RASA1: variants seen among roughly 807,000 people sequenced by gnomAD.
The protein encoded by RASA1 is ras GTPase-activating protein 1.
Under a neutral mutation model 132.2 loss-of-function variants are expected in RASA1, and 25 were observed. The ratio of observed to expected loss-of-function variants is 0.19; its 90% CI spans 0.14 to 0.26. The LOEUF is 0.26. Among genes scored for constraint, RASA1 ranks in the 10% least tolerant of loss-of-function variants. The pLI is 1.00. For missense variants in RASA1, 964 were observed against 1,299.2 expected (o/e 0.74, Z 3.97); for synonymous variants, 477 against 449.9 (o/e 1.06, Z -0.76).
chr5:87,301,847 G>A (rs1293175482), intron 1 of RASA1, among the ~76,000 whole-genome samples: 1 of 151,982 alleles, frequency 6.6e-6, no homozygotes, highest in Non-Finnish European at 1.5e-5. Flanking sequence ...ATGTTTATGA[G>A]ATTTATTCAT....
chr5:87,341,887 T>C (rs1316483100), intron 6 of RASA1, among the ~76,000 whole-genome samples: 1 of 152,170 alleles, frequency 6.6e-6, no homozygotes, highest in Admixed American at 6.5e-5. Context: ...CATTTAGGGA[T>C]GGAACTTGAG....
intron 1 of RASA1, among the ~76,000 whole-genome samples, chr5:87,277,987 A>G (rs112770114): frequency 2.6e-5 from 4 of 152,214 alleles, no homozygotes; most frequent in African/African-American, 9.6e-5. Context: ...TCTGTATTCA[A>G]TGTGTGTTCA....
chr5:87,379,508 G>A (rs1047026807), intron 18 of RASA1, among the ~76,000 whole-genome samples: 1 of 152,116 alleles, frequency 6.6e-6, no homozygotes, highest in Admixed American at 6.5e-5. Context: ...ACTAAGCACT[G>A]TTTGCTTTTC....
chr5:87,384,065 C>A (rs1377182035), intron 21 of RASA1, among the ~76,000 whole-genome samples: 2 of 151,952 alleles, frequency 1.3e-5, no homozygotes, highest in African/African-American at 4.8e-5. Context: ...TAATAAGTGA[C>A]TTCTTGTAGT....
chr5:87,347,152 T>C (rs1483848154), intron 7 of RASA1, among the ~76,000 whole-genome samples: 1 of 152,048 alleles, frequency 6.6e-6, no homozygotes, highest in African/African-American at 2.4e-5. Flanking sequence ...TTTAAACTTT[T>C]CATTATATAA....
rs537534678 is a variant in RASA1 at position 87,306,937 on chromosome 5, C to T, written c.540-24411C>T. Among the ~76,000 whole-genome samples the T allele has an allele frequency of 1.6e-4, 24 of 152,260 alleles. No individual in the cohort carries two copies. The South Asian group carries it at 5.0e-3, about 32-fold the overall frequency. ...GCAATGGTACGATCATAGCTTACTG[C>T]ATACTTGAACTCCTGGGCTCAAGCA... On this transcript the variant is annotated intron_variant, in intron 1 of 24. Coordinates refer to ENST00000274376, the MANE Select transcript of RASA1 (RefSeq NM_002890.3).
chr5:87,303,437 C>CT (rs1047645590), intron 1 of RASA1, among the ~76,000 whole-genome samples: 4 of 151,314 alleles, frequency 2.6e-5, no homozygotes, highest in African/African-American at 9.7e-5. Flanking sequence ...TCTCAGTCTT[C>CT]TTTTTTAATA....
At chr5:87,385,761 G>T (rs1006112045) in intron 22 of RASA1, among the ~76,000 whole-genome samples, 4 of 151,852 alleles carry the variant, frequency 2.6e-5, no homozygotes, top group African/African-American at 9.7e-5. Context: ...ACACTTAATT[G>T]TACTATCTAA....
intron 1 of RASA1, among the ~76,000 whole-genome samples, chr5:87,309,260 G>T (rs1409973604): frequency 6.6e-6 from 1 of 152,060 alleles, no homozygotes; most frequent in Non-Finnish European, 1.5e-5. Context: ...GCAGAGAGGA[G>T]ACATACAATA....
At chr5:87,374,405 C>A in intron 14 of RASA1, 85 bp downstream of exon 14, 1 of 1,200,930 alleles carries the variant, frequency 8.3e-7, no homozygotes, top group Non-Finnish European at 1.2e-6. Context: ...GTATCTAAAC[C>A]ATCAGAACAA....
At chr5:87,309,972 G>T (rs954602310) in intron 1 of RASA1, among the ~76,000 whole-genome samples, 1 of 152,000 alleles carries the variant, frequency 6.6e-6, no homozygotes, top group African/African-American at 2.4e-5. Flanking sequence ...TTATGTTTAT[G>T]TGCTAGTTGA....
At chr5:87,330,116 T>C (rs1757503507) in intron 1 of RASA1, among the ~76,000 whole-genome samples, 1 of 152,174 alleles carries the variant, frequency 6.6e-6, no homozygotes, top group African/African-American at 2.4e-5. Context: ...ATAAGTTCAT[T>C]ATTTTCAGCC....
intron 11 of RASA1, among the ~76,000 whole-genome samples, chr5:87,364,897 C>T (rs1478733503): frequency 6.6e-6 from 1 of 152,002 alleles, no homozygotes; most frequent in African/African-American, 2.4e-5. Context: ...ATGAGGAGAC[C>T]CTTTTGTGCC....
At chr5:87,338,913 TATC>T (rs1758238716) in intron 5 of RASA1, among the ~76,000 whole-genome samples, 1 of 152,124 alleles carries the variant, frequency 6.6e-6, no homozygotes, top group South Asian at 2.1e-4. Flanking sequence ...TATAATACGT[TATC>T]ATGGTATCAA....
chr5:87,316,704 T>A (rs1312284454), intron 1 of RASA1, among the ~76,000 whole-genome samples: 1 of 152,208 alleles, frequency 6.6e-6, no homozygotes, highest in Non-Finnish European at 1.5e-5. Context: ...GGGAACTTCC[T>A]GCACATAAAC....
At chr5:87,354,007 G>C (rs746555596) in intron 9 of RASA1, among the ~76,000 whole-genome samples, 1 of 152,076 alleles carries the variant, frequency 6.6e-6, no homozygotes. Flanking sequence ...GGACATAAAG[G>C]ATTATTAAGG....
At chr5:87,273,953 C>T (rs1038076336) in intron 1 of RASA1, among the ~76,000 whole-genome samples, 3 of 152,204 alleles carry the variant, frequency 2.0e-5, no homozygotes, top group Non-Finnish European at 4.4e-5. Context: ...CTGCCTTGGC[C>T]TCCCAAAGTG....
chr5:87,279,729 A>C (rs1580191870), intron 1 of RASA1, among the ~76,000 whole-genome samples: 1 of 152,320 alleles, frequency 6.6e-6, no homozygotes, highest in African/African-American at 2.4e-5. Flanking sequence ...ATTTTGATTA[A>C]CATTTTTCTA....
intron 1 of RASA1, among the ~76,000 whole-genome samples, chr5:87,290,234 A>C (rs752842293): frequency 6.6e-6 from 1 of 152,212 alleles, no homozygotes; most frequent in Non-Finnish European, 1.5e-5. Flanking sequence ...CATTGGATTT[A>C]ATGGTTAAAG....
Sources: allele counts gnomAD v4.1 joint callset (sites outside exome capture counted in the v4.1 genomes callset), GRCh38; gene constraint gnomAD v4.1.1; transcripts MANE v1.5; gene names NCBI Gene and HGNC (gene_info 2026-07-23, HGNC 2026-07-21).